Variants in SLC35E4 observed in about 807,000 individuals in gnomAD.
SLC35E4 encodes the protein solute carrier family 35, member E4.
A neutral mutation model predicts 19.3 loss-of-function variants in SLC35E4; 15 were observed. The ratio of observed to expected loss-of-function variants is 0.78; its 90% confidence interval spans 0.52 to 1.20. The LOEUF (loss-of-function observed/expected upper bound fraction) is 1.20. Ranked by LOEUF, SLC35E4 falls within the 50% of genes most tolerant of loss-of-function variation. The pLI is 0.00. For synonymous variants in SLC35E4, 219 were observed against 219.9 expected, an observed-to-expected ratio of 1.00 and a Z score of 0.04; for missense variants, 406 against 472.3, an observed-to-expected ratio of 0.86 and a Z score of 1.30.
downstream of SLC35E4, among the ~76,000 whole-genome samples, chr22:30,651,371 T>TGTG (rs1555899347): frequency 1.2e-4 from 5 of 41,224 alleles, no homozygotes; most frequent in African/African-American, 3.2e-4. Context: ...TGGCTAATTT[T>TGTG]TGTGTGTGTG....
downstream of SLC35E4, among the ~76,000 whole-genome samples, chr22:30,650,186 G>C (rs1000636128): frequency 7.6e-6 from 1 of 131,594 alleles, no homozygotes; most frequent in Non-Finnish European, 1.7e-5. Flanking sequence ...ACAAAAATTA[G>C]CTGGGCATGG....
intron 2 of SLC35E4, among the ~76,000 whole-genome samples, chr22:30,656,807 TAA>T (rs1476410263): frequency 1.3e-5 from 2 of 152,110 alleles, no homozygotes; most frequent in Non-Finnish European, 2.9e-5. Context: ...TCTGAATATT[TAA>T]AAAGAGAGTT....
chr22:30,661,594 A>T (rs1346956994), intron 2 of SLC35E4: 5 of 44,618 alleles, frequency 1.1e-4, no homozygotes, highest in Non-Finnish European at 2.1e-4. Context: ...GATTACAGGC[A>T]CCCAGCTGTT....
downstream of SLC35E4, among the ~76,000 whole-genome samples, chr22:30,649,836 T>C (rs2088182326): frequency 6.7e-6 from 1 of 149,832 alleles, no homozygotes; most frequent in East Asian, 1.9e-4. Flanking sequence ...GCTTGGCTAA[T>C]GAGTGAGCCT....
intron 2 of SLC35E4, among the ~76,000 whole-genome samples, chr22:30,658,456 G>T (rs907336799): frequency 6.6e-6 from 1 of 151,896 alleles, no homozygotes; most frequent in Non-Finnish European, 1.5e-5. Context: ...TGACAAAGCG[G>T]AATCCTTTCA....
exon 3 of SLC35E4, chr22:30,663,228 A>T (rs1490149295): frequency 5.1e-6 from 3 of 584,636 alleles, no homozygotes; most frequent in Non-Finnish European, 8.8e-6. Context: ...CAGGGCAGAA[A>T]ATTTATCTTC....
Position 30,639,719 on chromosome 22 carries a change from G to A in SLC35E4, c.619+2650G>A, listed in dbSNP as rs191923536. ...AGAGAAATATGGCTCTGTTCCACCC[G>A]GCTCACCGGCAGTCAGAGTTTAAGA... On this transcript the variant is annotated intron_variant, in intron 1 of 1. Transcript: ENST00000343605. Among the ~76,000 whole-genome samples the A allele has an allele frequency of 2.6e-5, 4 of 152,296 alleles. No individual in the cohort carries two copies. In the East Asian group the frequency reaches 7.7e-4, roughly 29 times the overall value.
At chr22:30,656,215 G>C (rs1346881263) in intron 2 of SLC35E4, among the ~76,000 whole-genome samples, 1 of 151,874 alleles carries the variant, frequency 6.6e-6, no homozygotes, top group Non-Finnish European at 1.5e-5. Flanking sequence ...AGGCTCAAGT[G>C]ATCCTCCTGC....
At position 30,636,576 on chromosome 22, in the gene SLC35E4, G is replaced by A. The variant is rs1318191468; in HGVS notation, c.126G>A (p.Arg42=). The change falls in exon 1 of 2, where the codon CGG becomes CGA. Residue 42 remains arginine, a synonymous_variant. Transcript: ENST00000343605. ...CCCCTGGCAGCCCTCAGGCCCTCCG[G>A]CAGCCTGGCCGGGCCCGAGTGGCCA... ...EWPPGSPQAL[R]QPGRARVAMA... The A allele has an allele frequency of 6.3e-7, 1 of 1,589,384 alleles. No individual in the cohort carries two copies. Among genetic ancestry groups the A allele is most frequent in the Non-Finnish European group, 8.6e-7 (1 of 1,168,344 alleles).
chr22:30,668,983 T>C (rs1426260584), exon 3 of SLC35E4: 1 of 152,210 alleles, frequency 6.6e-6, no homozygotes, highest in Non-Finnish European at 1.5e-5. Context: ...TTTAAATGTT[T>C]TAAGGATTTT....
intron 2 of SLC35E4, among the ~76,000 whole-genome samples, chr22:30,656,373 G>A (rs1319255901): frequency 6.6e-6 from 1 of 152,080 alleles, no homozygotes; most frequent in East Asian, 1.9e-4. Flanking sequence ...TAATTAGATC[G>A]CCATCTCAAC....
chr22:30,648,502 A>G (rs1222773796), downstream of SLC35E4, among the ~76,000 whole-genome samples: 4 of 152,292 alleles, frequency 2.6e-5, no homozygotes, highest in East Asian at 7.7e-4. Flanking sequence ...CTGTAATCCC[A>G]GTACTTTGGG....
At chr22:30,645,615 A>C (rs1225429280) in intron 1 of SLC35E4, among the ~76,000 whole-genome samples, 2 of 150,902 alleles carry the variant, frequency 1.3e-5, no homozygotes, top group Non-Finnish European at 3.0e-5. Flanking sequence ...AAAAAAAAAA[A>C]AAAGAACCTA....
chr22:30,667,375 A>AG (rs1351244058), downstream of SLC35E4: 1 of 152,242 alleles, frequency 6.6e-6, no homozygotes, highest in East Asian at 1.9e-4. Context: ...CATCACTTCT[A>AG]GGGGTGGGCC....
intron 1 of SLC35E4, among the ~76,000 whole-genome samples, chr22:30,640,053 T>C (rs541794505): frequency 6.6e-6 from 1 of 152,312 alleles, no homozygotes; most frequent in Admixed American, 6.5e-5. Flanking sequence ...GGGAAACTAA[T>C]AAATGTCCAT....
downstream of SLC35E4, chr22:30,664,157 A>G: frequency 1.5e-6 from 1 of 669,302 alleles, no homozygotes; most frequent in Admixed American, 2.8e-5. Context: ...AAATGGATGG[A>G]TAGGCTTATA....
chr22:30,661,127 C>T (rs551211370), intron 2 of SLC35E4, among the ~76,000 whole-genome samples: 2 of 152,176 alleles, frequency 1.3e-5, no homozygotes, highest in African/African-American at 2.4e-5. Flanking sequence ...AGGCATGAGC[C>T]ACCACGCCCG....
chr22:30,655,292 C>A (rs373133732), intron 2 of SLC35E4, among the ~76,000 whole-genome samples: 6 of 134,780 alleles, frequency 4.5e-5, no homozygotes, highest in Non-Finnish European at 6.3e-5. Context: ...CCTGTCTCTA[C>A]GGAAAAAAAA....
In SLC35E4 at chr22:30,661,485, G is replaced by T. The variant is rs1459656233; in HGVS notation, c.*9-575G>T. Reference sequence around the variant, plus strand: ...CTTTTTGAGATGGAGTCTCACTCTTGTTGCCCAGGCTGGAGTGCAATGGTG... The same window carrying T: ...CTTTTTGAGATGGAGTCTCACTCTTTTTGCCCAGGCTGGAGTGCAATGGTG... On this transcript the variant is annotated intron_variant, in intron 2 of 2. Coordinates refer to the SLC35E4 transcript ENST00000406566. 5 of 120,074 alleles carry T rather than the reference G, an allele frequency of 4.2e-5. No homozygotes were observed. The East Asian group carries it at 9.6e-4, about 23-fold the overall frequency. 7.4% of individuals were successfully genotyped at this position (120,074 alleles called of 1,614,324 possible). A position where few individuals can be genotyped will look rare whatever the true frequency, so the allele number is the denominator to read the frequency against.
Sources: gnomAD v4.1 joint callset for allele counts (sites outside exome capture counted in the v4.1 genomes callset) on GRCh38, gnomAD v4.1.1 for gene constraint, MANE v1.5 for transcripts, NCBI Gene and HGNC (gene_info 2026-07-23, HGNC 2026-07-21) for gene names.